RMC1: variants seen among roughly 807,000 people sequenced by gnomAD.
The protein encoded by RMC1 is regulator of MON1-CCZ1.
Under a neutral mutation model 95.5 loss-of-function variants are expected in RMC1, and 44 were observed. The ratio of observed to expected loss-of-function variants is 0.46; its 90% CI spans 0.36 to 0.59. The LOEUF (loss-of-function observed/expected upper bound fraction) is 0.59. Among genes scored for constraint, RMC1 ranks in the 20% least tolerant of loss-of-function variants. The pLI, the probability that RMC1 is intolerant of heterozygous loss-of-function variation, is 0.00. For synonymous variants in RMC1, 320 were observed against 303.6 expected, an observed-to-expected ratio of 1.05 and a Z score of -0.56; for missense variants, 705 against 819.6, an observed-to-expected ratio of 0.86 and a Z score of 1.71.
At position 23,524,250 on chromosome 18, in the gene RMC1, C is replaced by T; in HGVS notation, c.1006+76C>T. 4 of 1,566,710 alleles carry T rather than the reference C, an allele frequency of 2.6e-6. No homozygotes were observed. In the East Asian group the frequency reaches 6.7e-5, roughly 26 times the overall value. Reference sequence around the variant, plus strand: ...CTCAGAGAGTGGTCCTGAAGTCCTCCTCCGGGCAGCTGTGAATAACACTCC... The same window carrying T: ...CTCAGAGAGTGGTCCTGAAGTCCTCTTCCGGGCAGCTGTGAATAACACTCC... On this transcript the variant is annotated intron_variant, in intron 11 of 19. Transcript: ENST00000269221.
chr18:23,520,410 G>A (rs2058112653), intron 10 of RMC1, 97 bp downstream of exon 10: 1 of 977,028 alleles, frequency 1.0e-6, no homozygotes. Flanking sequence ...GTGGAGTGAG[G>A]AATAAACAGA....
At chr18:23,516,796 G>T (rs1230264282) in intron 7 of RMC1, among the ~76,000 whole-genome samples, 3 of 150,958 alleles carry the variant, frequency 2.0e-5, no homozygotes, top group African/African-American at 7.3e-5. Flanking sequence ...TGCAGTGTCG[G>T]CTCACTGCAG....
At chr18:23,517,044 A>G (rs1372572691) in intron 7 of RMC1, among the ~76,000 whole-genome samples, 1 of 152,098 alleles carries the variant, frequency 6.6e-6, no homozygotes, top group African/African-American at 2.4e-5. Flanking sequence ...TTTTTTTAAA[A>G]GCTCAGTTAA....
chr18:23,504,331 C>T (rs759548039), intron 1 of RMC1, 40 bp from the exon 2 acceptor site: 5 of 1,581,758 alleles, frequency 3.2e-6, no homozygotes, highest in Non-Finnish European at 3.5e-6. Context: ...TAGATCCTTT[C>T]AGAGTTCAGG....
chr18:23,524,426 T>G lies in RMC1; in HGVS notation c.1007-3T>G, dbSNP rs771296956. The G allele has an allele frequency of 1.2e-6, 2 of 1,614,090 alleles. No individual in the cohort carries two copies. The highest frequency in any genetic ancestry group is 8.5e-7 in the Non-Finnish European group (1 of 1,179,918). On this transcript the variant is annotated splice_polypyrimidine_tract_variant and splice_region_variant and intron_variant, in intron 11 of 19. Coordinates refer to ENST00000269221, the MANE Select transcript of RMC1 (RefSeq NM_013326.5). The stretch of plus-strand genomic sequence containing the variant: ...CTGGTTTAGAATTTCCTATAACATG[T>G]GGATTCTTCATCTTGGATTGTCTTT...
At chr18:23,525,077 G>T (rs111997700) in intron 12 of RMC1, among the ~76,000 whole-genome samples, 4,069 of 148,596 alleles carry the variant, frequency 0.027, 144 homozygotes, top group African/African-American at 0.096. Flanking sequence ...CTCCTGAATA[G>T]CTGGGATTAC....
intron 7 of RMC1, 80 bp downstream of exon 7, chr18:23,516,503 C>T (rs1847108692): frequency 1.4e-6 from 2 of 1,416,618 alleles, no homozygotes; most frequent in South Asian, 2.3e-5. Context: ...TTACAAGCAC[C>T]ACGTGATGCC....
rs1450091331 is a variant in RMC1 at position 23,526,717 on chromosome 18, C to T, written c.1141C>T (p.Leu381Phe). ...PDKGRLMDFL[L>F]QRKECKMVIL... The stretch of plus-strand genomic sequence containing the variant: ...CAAAGGAAGACTCATGGACTTTCTC[C>T]TCCAGAGAAAGGAATGCAAGATGGT... Residue 381 changes from leucine (L) to phenylalanine (F), a missense_variant, in exon 13 of 20, where the codon CTC becomes TTC. Transcript: ENST00000269221. The T allele has an allele frequency of 1.9e-6, 3 of 1,613,966 alleles. No individual in the cohort carries two copies. Among genetic ancestry groups the T allele is most frequent in the South Asian group, 1.1e-5 (1 of 91,082 alleles).
intron 19 of RMC1, 70 bp from the exon 20 acceptor site, chr18:23,531,555 C>A: frequency 6.3e-7 from 1 of 1,581,516 alleles, no homozygotes; most frequent in Non-Finnish European, 8.6e-7. Context: ...GTAGACACAC[C>A]TACGAGATGC....
At chr18:23,512,479 G>A (rs187323833) in intron 5 of RMC1, among the ~76,000 whole-genome samples, 12 of 152,268 alleles carry the variant, frequency 7.9e-5, no homozygotes, top group African/African-American at 2.4e-4. Context: ...GGAGTACAGT[G>A]GCACAATCAC....
rs763588108 is a variant in RMC1, at chr18:23,506,954, A to C, written c.180-16A>C. The C allele has an allele frequency of 1.9e-6, 3 of 1,556,198 alleles. No individual in the cohort carries two copies. The highest frequency in any genetic ancestry group is 2.7e-5 in the African/African-American group (2 of 73,478). On this transcript the variant is annotated splice_polypyrimidine_tract_variant and intron_variant, in intron 2 of 19. Transcript: ENST00000269221. ...ATTCGGTTATTTAACTACTAACACA[A>C]TCTTTCTTCTTAAAGAATGGATGAC...
chr18:23,525,402 C>T (rs554856309), intron 12 of RMC1, among the ~76,000 whole-genome samples: 1 of 152,188 alleles, frequency 6.6e-6, no homozygotes, highest in Admixed American at 6.5e-5. Flanking sequence ...CGCACATCAC[C>T]ACGCCCAGTT....
At chr18:23,516,566 A>G in intron 7 of RMC1, 143 bp downstream of exon 7, 1 of 777,746 alleles carries the variant, frequency 1.3e-6, no homozygotes, top group South Asian at 1.7e-5. Context: ...TATTCAGTGT[A>G]TAGGTCCTGT....
At chr18:23,507,144 C>T in intron 3 of RMC1, 90 bp downstream of exon 3, 1 of 842,808 alleles carries the variant, frequency 1.2e-6, no homozygotes, top group African/African-American at 1.7e-5. Flanking sequence ...TTAAAGGAAA[C>T]TTTTATTATC....
At chr18:23,515,106 G>A (rs866690459) in intron 5 of RMC1, among the ~76,000 whole-genome samples, 12 of 152,118 alleles carry the variant, frequency 7.9e-5, no homozygotes, top group African/African-American at 2.7e-4. Context: ...GGAGGTGGCC[G>A]AGTTAACACA....
At chr18:23,515,516 C>T (rs889641653) in intron 5 of RMC1, among the ~76,000 whole-genome samples, 3 of 152,054 alleles carry the variant, frequency 2.0e-5, no homozygotes, top group Admixed American at 2.0e-4. Flanking sequence ...GATCTTCTGA[C>T]AGTTTGCTGT....
intron 10 of RMC1, among the ~76,000 whole-genome samples, chr18:23,521,671 G>C (rs1183902890): frequency 6.7e-6 from 1 of 149,420 alleles, no homozygotes; most frequent in African/African-American, 2.5e-5. Context: ...AGAACTGAAA[G>C]AATATTCAAC....
chr18:23,506,057 C>G (rs1424533961), intron 2 of RMC1: 1 of 151,694 alleles, frequency 6.6e-6, no homozygotes, highest in African/African-American at 2.4e-5. Context: ...ATCCCAGCTA[C>G]TCGGAACGCT....
intron 5 of RMC1, among the ~76,000 whole-genome samples, chr18:23,513,791 T>C (rs2057926582): frequency 6.6e-6 from 1 of 152,250 alleles, no homozygotes; most frequent in Admixed American, 6.5e-5. Context: ...TGTTGAGCAC[T>C]TTTGTGTGTG....
Sources: allele counts gnomAD v4.1 joint callset (sites outside exome capture counted in the v4.1 genomes callset), GRCh38; gene constraint gnomAD v4.1.1; transcripts MANE v1.5; gene names NCBI Gene and HGNC (gene_info 2026-07-23, HGNC 2026-07-21).